C8A: variants seen among roughly 807,000 people sequenced by gnomAD.
C8A encodes complement component C8 alpha chain.
In C8A, 67 loss-of-function variants were observed where a neutral mutation model predicts 65.3. The observed-to-expected ratio is 1.03, with a 90% confidence interval of 0.84 to 1.26. The LOEUF (loss-of-function observed/expected upper bound fraction) is 1.26. C8A is among the 50% of genes most tolerant of loss of function. C8A has a pLI of 0.00. For missense variants in C8A, 781 were observed against 723.9 expected (o/e 1.08, Z -0.90); for synonymous variants, 290 against 259.4 (o/e 1.12, Z -1.13).
Position 56,890,729 on chromosome 1 carries a change from G to A in C8A, c.1096+4562G>A, listed in dbSNP as rs761795594. Among the ~76,000 whole-genome samples the A allele has an allele frequency of 1.1e-4, 17 of 152,142 alleles. No homozygotes were observed. The South Asian group carries it at 2.9e-3, about 26-fold the overall frequency. Reference sequence around the variant, plus strand: ...ATAGTCTAGAGTCTTTGTATTAGCCGTCTTCTTTGCCGGAACCACCCTTTC... The same window carrying A: ...ATAGTCTAGAGTCTTTGTATTAGCCATCTTCTTTGCCGGAACCACCCTTTC... On this transcript the variant is annotated intron_variant, in intron 7 of 10. Transcript: ENST00000361249.
intron 10 of C8A, among the ~76,000 whole-genome samples, chr1:56,914,276 A>G (rs1644533834): frequency 6.6e-6 from 1 of 152,116 alleles, no homozygotes; most frequent in African/African-American, 2.4e-5. Context: ...TTTCTTCTGC[A>G]TGTACTGCAG....
Position 56,918,103 on chromosome 1 carries a change from A to C in C8A, c.*387A>C. The C allele has an allele frequency of 5.3e-6, 1 of 187,470 alleles. No individual in the cohort carries two copies. The highest frequency in any genetic ancestry group is 1.1e-5 in the Non-Finnish European group (1 of 89,864). 11.6% of individuals were successfully genotyped at this position (187,470 alleles called of 1,614,324 possible). ...ACGCCCAATAAAACAAAGTAGGATG[A>C]AAATTCTCTTAGTTCTTTGATAACA... On this transcript the variant is annotated 3_prime_UTR_variant, in exon 11 of 11. Coordinates refer to ENST00000361249, the MANE Select transcript of C8A (RefSeq NM_000562.3).
At chr1:56,880,918 G>A (rs1003308792) in intron 4 of C8A, among the ~76,000 whole-genome samples, 1 of 152,158 alleles carries the variant, frequency 6.6e-6, no homozygotes, top group African/African-American at 2.4e-5. Context: ...GGCAGAGATG[G>A]GAAATGGGCC....
At chr1:56,881,115 A>G (rs528460628) in intron 4 of C8A, among the ~76,000 whole-genome samples, 1 of 152,302 alleles carries the variant, frequency 6.6e-6, no homozygotes, top group East Asian at 1.9e-4. Context: ...TCCAAGTGTT[A>G]CCTAAAGTGG....
At position 56,859,641 on chromosome 1, in the gene C8A, A is replaced by G. The variant is rs1246923209; in HGVS notation, c.77+4663A>G. On this transcript the variant is annotated intron_variant, in intron 1 of 10. Coordinates refer to ENST00000361249, the MANE Select transcript of C8A (RefSeq NM_000562.3). The stretch of plus-strand genomic sequence containing the variant: ...GATACTTTTTTGGATTTATTTATTC[A>G]TTCATTCAATAAATAAATATTACAT... Among the ~76,000 whole-genome samples the G allele has an allele frequency of 2.6e-5, 4 of 152,240 alleles. No individual in the cohort carries two copies. The East Asian group carries it at 7.7e-4, about 29-fold the overall frequency.
Position 56,886,014 on chromosome 1 carries a change from C to CT in C8A, c.944dup (p.Gln316AlafsTer21). The CT allele has an allele frequency of 1.2e-6, 2 of 1,614,056 alleles. No homozygotes were observed. The highest frequency in any genetic ancestry group is 1.7e-6 in the Non-Finnish European group (2 of 1,179,948). On this transcript the variant is annotated frameshift_variant, in exon 7 of 11. Transcript: ENST00000361249. LOFTEE classifies it high-confidence loss of function. Reference sequence around the variant, plus strand: ...TGACATTATGCTGGATGAAGGAATGCTGCAGTCATTAATGGAGCTTCCAGA... The same window carrying CT: ...TGACATTATGCTGGATGAAGGAATGCTTGCAGTCATTAATGGAGCTTCCAGA...
At chr1:56,897,170 A>G (rs2101276688) in intron 7 of C8A, among the ~76,000 whole-genome samples, 1 of 152,326 alleles carries the variant, frequency 6.6e-6, no homozygotes, top group South Asian at 2.1e-4. Context: ...AAAATAATTA[A>G]GGGAGTATTA....
chr1:56,901,368 T>A (rs17114548), intron 7 of C8A, among the ~76,000 whole-genome samples: 6,760 of 152,224 alleles, frequency 0.044, 330 homozygotes, highest in South Asian at 0.13. Flanking sequence ...ACTTGCAGTG[T>A]TCTGGCACCT....
Position 56,908,074 on chromosome 1 carries a change from G to C in C8A, c.1341G>C (p.Gly447=). 1.2e-6 allele frequency: 2 copies of C among 1,614,174 alleles called. No individual in the cohort carries two copies. The highest frequency in any genetic ancestry group is 2.2e-5 in the South Asian group (2 of 91,076). The change falls in exon 9 of 11, where the codon GGG becomes GGC. Residue 447 remains glycine (G), a synonymous_variant. Transcript: ENST00000361249. ...NRSTITYRSW[G]RSLKYNPVVI... is the part of the protein sequence containing the mutation. ...GCACCATTACATACCGTTCCTGGGG[G>C]AGGTCATTAAAGTATAATCCTGTTG...
chr1:56,874,985 G>T lies in C8A; in HGVS notation c.208G>T (p.Gly70Trp), dbSNP rs1644184007. Residue 70 changes from glycine to tryptophan, a missense_variant, in exon 3 of 11, where the codon GGG becomes TGG. By Grantham distance (184) the Gly-to-Trp change is radical. Transcript: ENST00000361249. ...GAGCCTCTTGCAGCCAAACAAGTTT[G>T]GGGGAACCATCTGCAGTGGTGACAT... ...HRSLLQPNKF[G>W]GTICSGDIWD... 3 of 1,613,720 alleles carry T rather than the reference G, an allele frequency of 1.9e-6. No individual in the cohort carries two copies. The highest frequency in any genetic ancestry group is 8.5e-7 in the Non-Finnish European group (1 of 1,179,812).
chr1:56,913,992 C>T (rs143288761), intron 10 of C8A, among the ~76,000 whole-genome samples: 2,080 of 152,282 alleles, frequency 0.014, 17 homozygotes, highest in Non-Finnish European at 0.021. Flanking sequence ...CTCTGGCGTA[C>T]CAAGATTTTT....
intron 2 of C8A, among the ~76,000 whole-genome samples, chr1:56,874,081 A>G (rs1644173944): frequency 6.6e-6 from 1 of 152,054 alleles, no homozygotes; most frequent in Non-Finnish European, 1.5e-5. Context: ...TTCTCTCTCT[A>G]TCTCTTGGAT....
intron 7 of C8A, among the ~76,000 whole-genome samples, chr1:56,887,008 C>G (rs987997523): frequency 6.6e-6 from 1 of 152,050 alleles, no homozygotes; most frequent in Admixed American, 6.6e-5. Flanking sequence ...AACATGTTCA[C>G]CAGGTGATTC....
intron 1 of C8A, among the ~76,000 whole-genome samples, chr1:56,866,567 G>T (rs1306686959): frequency 6.6e-6 from 1 of 152,194 alleles, no homozygotes; most frequent in Admixed American, 6.5e-5. Context: ...ATTAGCATGA[G>T]ATTTGAAACA....
intron 10 of C8A, among the ~76,000 whole-genome samples, chr1:56,914,657 T>C (rs977410173): frequency 6.6e-6 from 1 of 152,010 alleles, no homozygotes; most frequent in African/African-American, 2.4e-5. Context: ...AACCGATCTT[T>C]AGTTTTTTGT....
At chr1:56,901,367 G>T (rs1644425067) in intron 7 of C8A, among the ~76,000 whole-genome samples, 1 of 152,150 alleles carries the variant, frequency 6.6e-6, no homozygotes, top group African/African-American at 2.4e-5. Context: ...GACTTGCAGT[G>T]TTCTGGCACC....
chr1:56,857,298 T>A (rs1325567416), intron 1 of C8A, among the ~76,000 whole-genome samples: 1 of 111,632 alleles, frequency 9.0e-6, no homozygotes, highest in Non-Finnish European at 1.9e-5. Flanking sequence ...AGCTCTGTTA[T>A]TAAATACACA....
intron 2 of C8A, among the ~76,000 whole-genome samples, chr1:56,868,091 AGAGT>A (rs1437047967): frequency 1.3e-5 from 2 of 152,112 alleles, no homozygotes; most frequent in African/African-American, 4.8e-5. Context: ...GGGATATCCC[AGAGT>A]GTGTTCTTGA....
chr1:56,872,285 G>A (rs142654952), intron 2 of C8A, among the ~76,000 whole-genome samples: 8 of 152,192 alleles, frequency 5.3e-5, no homozygotes, highest in South Asian at 4.1e-4. Flanking sequence ...GCAAACAGTC[G>A]TCTGAGTTGG....
Sources: gnomAD v4.1 joint callset for allele counts (sites outside exome capture counted in the v4.1 genomes callset) on GRCh38, gnomAD v4.1.1 for gene constraint, MANE v1.5 for transcripts, NCBI Gene and HGNC (gene_info 2026-07-23, HGNC 2026-07-21) for gene names.